Variants in ME3 observed in about 807,000 individuals in gnomAD.
ME3 encodes the protein NADP-dependent malic enzyme, mitochondrial.
In ME3, 48 loss-of-function variants were observed where a neutral mutation model predicts 68.9. The observed-to-expected ratio is 0.70, with a 90% CI of 0.55 to 0.89. The LOEUF is 0.89. Among genes scored for constraint, ME3 ranks in the 40% least tolerant of loss-of-function variants. The pLI is 0.00. For synonymous variants in ME3, 320 were observed against 318.8 expected (o/e 1.00, Z -0.04); for missense variants, 675 against 797.4 (o/e 0.85, Z 1.85).
intron 4 of ME3, among the ~76,000 whole-genome samples, chr11:86,518,337 G>C (rs1374225925): frequency 2.0e-5 from 3 of 152,160 alleles, no homozygotes; most frequent in Admixed American, 1.3e-4. Flanking sequence ...CCCTTATCAT[G>C]AGAGACTTGG....
intron 2 of ME3, among the ~76,000 whole-genome samples, chr11:86,560,453 A>G (rs557219839): frequency 1.3e-5 from 2 of 152,214 alleles, no homozygotes; most frequent in African/African-American, 4.8e-5. Context: ...CTCAGGTAGT[A>G]TCTTTATAGC....
At chr11:86,570,113 T>G (rs2139540088) in intron 2 of ME3, among the ~76,000 whole-genome samples, 1 of 152,332 alleles carries the variant, frequency 6.6e-6, no homozygotes, top group African/African-American at 2.4e-5. Flanking sequence ...ACAGCCATGT[T>G]TCCTTTTACC....
At chr11:86,611,501 GTCA>G (rs1346322798) in intron 2 of ME3, among the ~76,000 whole-genome samples, 9 of 149,782 alleles carry the variant, frequency 6.0e-5, no homozygotes, top group African/African-American at 2.0e-4. Flanking sequence ...CGTGATTGTG[GTCA>G]TCATCTCACA....
intron 2 of ME3, among the ~76,000 whole-genome samples, chr11:86,598,169 G>A (rs1486661515): frequency 2.0e-5 from 3 of 152,206 alleles, no homozygotes; most frequent in South Asian, 2.1e-4. Flanking sequence ...GGAAGTGCAA[G>A]GGGTCAGGGA....
chr11:86,514,357 C>T (rs1953743739), intron 4 of ME3, among the ~76,000 whole-genome samples: 1 of 152,146 alleles, frequency 6.6e-6, no homozygotes, highest in African/African-American at 2.4e-5. Flanking sequence ...AGACACTAAC[C>T]CCTCTGCATT....
intron 2 of ME3, among the ~76,000 whole-genome samples, chr11:86,604,086 A>G (rs1161972980): frequency 6.6e-6 from 1 of 151,136 alleles, no homozygotes; most frequent in African/African-American, 2.4e-5. Flanking sequence ...CCTAAAACTT[A>G]AAGTATAATA....
At chr11:86,653,678 T>G (rs1318459527) in intron 2 of ME3, among the ~76,000 whole-genome samples, 1 of 151,920 alleles carries the variant, frequency 6.6e-6, no homozygotes, top group African/African-American at 2.4e-5. Flanking sequence ...ACATCACAAT[T>G]AAAAGAACTA....
chr11:86,583,062 C>T (rs10898504), intron 2 of ME3, among the ~76,000 whole-genome samples: 55,475 of 151,562 alleles, frequency 0.37, 12,761 homozygotes, highest in Non-Finnish European at 0.51. Flanking sequence ...TTATGCAAAC[C>T]AGATAACCCA....
intron 4 of ME3, among the ~76,000 whole-genome samples, chr11:86,537,953 C>T (rs1006699300): frequency 6.6e-6 from 1 of 152,204 alleles, no homozygotes; most frequent in Non-Finnish European, 1.5e-5. Flanking sequence ...TCTGAAGAAC[C>T]TGCCCAAGGT....
chr11:86,574,605 C>G (rs1242660286), intron 2 of ME3, among the ~76,000 whole-genome samples: 4 of 152,190 alleles, frequency 2.6e-5, no homozygotes, highest in Non-Finnish European at 2.9e-5. Flanking sequence ...CCTCTGGAAG[C>G]TTTGTCCCAG....
At chr11:86,655,219 A>C (rs1945776460) in intron 2 of ME3, among the ~76,000 whole-genome samples, 1 of 152,198 alleles carries the variant, frequency 6.6e-6, no homozygotes, top group Non-Finnish European at 1.5e-5. Flanking sequence ...GCTACCAATG[A>C]CTTTCTTCAC....
At chr11:86,497,375 C>T (rs957560852) in intron 6 of ME3, among the ~76,000 whole-genome samples, 2 of 152,142 alleles carry the variant, frequency 1.3e-5, no homozygotes, top group African/African-American at 4.8e-5. Context: ...GACAGAGCTG[C>T]GAGTCACAGA....
chr11:86,462,218 T>A (rs1030616475), intron 8 of ME3, among the ~76,000 whole-genome samples: 4 of 152,220 alleles, frequency 2.6e-5, no homozygotes, highest in Admixed American at 6.5e-5. Flanking sequence ...ATATATTTTT[T>A]AAAATTTTGG....
chr11:86,585,378 A>G (rs541379754), intron 2 of ME3, among the ~76,000 whole-genome samples: 1 of 152,302 alleles, frequency 6.6e-6, no homozygotes, highest in Non-Finnish European at 1.5e-5. Context: ...GCAGCTGGAG[A>G]GAAGCAGGAG....
At chr11:86,463,670 TTTTCTAATAGTGTGTTCTAACTGTGC>T (rs1354930257) in intron 8 of ME3, among the ~76,000 whole-genome samples, 6 of 152,218 alleles carry the variant, frequency 3.9e-5, no homozygotes, top group African/African-American at 1.4e-4. Flanking sequence ...TTAAACTAAA[TTTTCTAATAGTGTGTTCTAACTGTGC>T]TATCTTGCCT....
rs61904300 is a variant in ME3 at position 86,656,083 on chromosome 11, C to A, written c.183+15679G>T. 6.9e-3 allele frequency among the ~76,000 whole-genome samples: 1,037 copies of A among 150,068 alleles called. 12 individuals carry two copies. The highest frequency in any genetic ancestry group is 0.022 in the African/African-American group (908 of 40,474). ...CACACCAGTTAGAATGGCAATCATT[C>A]AAAAGTCAGGAAACAACAGGTGCTG... On this transcript the variant is annotated intron_variant, in intron 2 of 14. Transcript: ENST00000543262.
chr11:86,571,168 C>T (rs897070901), intron 2 of ME3, among the ~76,000 whole-genome samples: 6 of 152,198 alleles, frequency 3.9e-5, no homozygotes, highest in Non-Finnish European at 7.3e-5. Flanking sequence ...TTTTTGAGGT[C>T]AGGGACTCTG....
At chr11:86,524,125 C>T (rs765028653) in intron 4 of ME3, among the ~76,000 whole-genome samples, 2 of 152,118 alleles carry the variant, frequency 1.3e-5, no homozygotes, top group Non-Finnish European at 2.9e-5. Flanking sequence ...TGGCACAGAC[C>T]CACACATGCC....
At chr11:86,610,914 C>T (rs892443532) in intron 2 of ME3, among the ~76,000 whole-genome samples, 1 of 152,256 alleles carries the variant, frequency 6.6e-6, no homozygotes, top group South Asian at 2.1e-4. Context: ...GCACAGTGGA[C>T]GATGGCAGAC....
Sources: gnomAD v4.1 joint callset for allele counts (sites outside exome capture counted in the v4.1 genomes callset) on GRCh38, gnomAD v4.1.1 for gene constraint, MANE v1.5 for transcripts, NCBI Gene and HGNC (gene_info 2026-07-23, HGNC 2026-07-21) for gene names.